DNAH11: variants seen among roughly 807,000 people sequenced by gnomAD.
DNAH11 encodes axonemal beta dynein heavy chain 11.
In DNAH11, 442 loss-of-function variants were observed where a neutral mutation model predicts 526.0. The ratio of observed to expected loss-of-function variants is 0.84; its 90% CI spans 0.78 to 0.91. The LOEUF (loss-of-function observed/expected upper bound fraction) is 0.91, where lower values mean the gene tolerates loss of function less well. Among genes scored for constraint, DNAH11 ranks in the 40% least tolerant of loss-of-function variants. The pLI is 0.00. For synonymous variants in DNAH11, 2,461 were observed against 1,935.9 expected, an observed-to-expected ratio of 1.27 and a Z score of -7.12; for missense variants, 6,989 against 5,448.7, an observed-to-expected ratio of 1.28 and a Z score of -8.90.
At chr7:21,811,297 C>T (rs1444922261) in intron 63 of DNAH11, among the ~76,000 whole-genome samples, 2 of 147,760 alleles carry the variant, frequency 1.4e-5, no homozygotes, top group East Asian at 3.9e-4. Flanking sequence ...ACCCCCCCCC[C>T]TACTAAAAAT....
intron 35 of DNAH11, among the ~76,000 whole-genome samples, chr7:21,695,275 C>T (rs927999872): frequency 1.3e-5 from 2 of 152,082 alleles, no homozygotes; most frequent in African/African-American, 4.8e-5. Context: ...ATAAAGAGCC[C>T]ATATAGCCAA....
chr7:21,831,604 C>G (rs956527274), intron 65 of DNAH11, among the ~76,000 whole-genome samples: 6 of 152,174 alleles, frequency 3.9e-5, no homozygotes, highest in African/African-American at 9.6e-5. Flanking sequence ...TCCTCCCCCC[C>G]TCTATTAACC....
chr7:21,899,765 T>C (rs970302130), intron 80 of DNAH11, among the ~76,000 whole-genome samples: 1 of 152,164 alleles, frequency 6.6e-6, no homozygotes, highest in Admixed American at 6.5e-5. Flanking sequence ...AATCCACAAA[T>C]GGCTGTGACT....
At chr7:21,591,102 C>G (rs1784659628) in intron 13 of DNAH11, 80 bp downstream of exon 13, 2 of 1,426,890 alleles carry the variant, frequency 1.4e-6, no homozygotes, top group Non-Finnish European at 1.8e-6. Flanking sequence ...TTATATAGAT[C>G]TATATGATAT....
intron 23 of DNAH11, 74 bp downstream of exon 23, chr7:21,617,851 G>A: frequency 7.0e-7 from 1 of 1,422,382 alleles, no homozygotes. Context: ...CATCATCTGA[G>A]ATGAAGTGTA....
At chr7:21,700,351 C>T (rs547856371) in intron 36 of DNAH11, among the ~76,000 whole-genome samples, 1 of 152,292 alleles carries the variant, frequency 6.6e-6, no homozygotes, top group South Asian at 2.1e-4. Flanking sequence ...TCCTGTGCTA[C>T]AGAAATGGGT....
In DNAH11 at chr7:21,742,033, C is replaced by T. The variant is rs1785925115; in HGVS notation, c.8021C>T (p.Ser2674Leu). Residue 2674 changes from serine to leucine, a missense_variant, in exon 49 of 82, where the codon TCA becomes TTA. Ser to Leu is a moderately radical substitution (Grantham distance 145). Coordinates refer to ENST00000409508, the MANE Select transcript of DNAH11 (RefSeq NM_001277115.2). ...TTCCAACAGCAAGCATTTGCTCCAT[C>T]AATTCTCAGGAGTGGCCCCACTTTG... ...FHFQQQAFAP[S>L]ILRSGPTLIQ... The T allele has an allele frequency of 3.7e-6, 6 of 1,613,964 alleles. No homozygotes were observed. In the South Asian group the frequency reaches 6.6e-5, roughly 18 times the overall value.
intron 52 of DNAH11, 72 bp downstream of exon 52, chr7:21,748,814 C>G: frequency 6.8e-7 from 1 of 1,469,272 alleles, no homozygotes; most frequent in Non-Finnish European, 9.1e-7. Flanking sequence ...CTAGTGCGCC[C>G]GTGTGGGCTG....
chr7:21,686,143 G>A (rs1334961059), intron 32 of DNAH11, among the ~76,000 whole-genome samples: 2 of 152,216 alleles, frequency 1.3e-5, no homozygotes, highest in African/African-American at 2.4e-5. Flanking sequence ...ATAATTAATC[G>A]CTTCTATTTG....
chr7:21,747,968 G>A (rs139727665), intron 51 of DNAH11, among the ~76,000 whole-genome samples: 2 of 152,182 alleles, frequency 1.3e-5, no homozygotes, highest in African/African-American at 2.4e-5. Context: ...TTAACACAAG[G>A]CCTTTGCATA....
intron 55 of DNAH11, 78 bp from the exon 56 acceptor site, chr7:21,773,688 A>G: frequency 9.7e-7 from 1 of 1,027,806 alleles, no homozygotes; most frequent in Non-Finnish European, 1.3e-6. Flanking sequence ...AAAAAAAATG[A>G]TCATTTACTT....
At position 21,901,474 on chromosome 7, in the gene DNAH11, T is replaced by TAGGAGAATC. The variant is rs1473248022; in HGVS notation, c.*222_*230dup. ...ACTGTAATCCCAGTTACTCAGGAGG[T>TAGGAGAATC]AGGAGAATCACTTGAACCTAGGAGG... On this transcript the variant is annotated 3_prime_UTR_variant, in exon 82 of 82. Transcript: ENST00000409508. 4 of 511,394 alleles carry TAGGAGAATC rather than the reference T, an allele frequency of 7.8e-6. No individual in the cohort carries two copies. The highest frequency in any genetic ancestry group is 8.7e-6 in the Non-Finnish European group (3 of 343,070). The allele number at this position is 511,394 out of a possible 1,614,324, so 31.7% of individuals were successfully genotyped here. A position where few individuals can be genotyped will look rare whatever the true frequency, so the allele number is the denominator to read the frequency against.
chr7:21,593,414 G>T (rs1408639781), intron 14 of DNAH11, among the ~76,000 whole-genome samples: 1 of 152,138 alleles, frequency 6.6e-6, no homozygotes, highest in Non-Finnish European at 1.5e-5. Flanking sequence ...GAGGAGCTCT[G>T]CTGTGTGGCA....
chr7:21,876,705 CAG>C (rs921696179), intron 74 of DNAH11, among the ~76,000 whole-genome samples: 4 of 152,192 alleles, frequency 2.6e-5, no homozygotes, highest in African/African-American at 9.7e-5. Flanking sequence ...GCAGGAGTTG[CAG>C]CCCCCATATC....
intron 75 of DNAH11, among the ~76,000 whole-genome samples, chr7:21,883,680 A>C (rs1351810508): frequency 1.3e-5 from 2 of 152,266 alleles, no homozygotes; most frequent in Non-Finnish European, 2.9e-5. Flanking sequence ...CACAATTTTT[A>C]GATGAGAATT....
Position 21,606,690 on chromosome 7 carries a change from C to T in DNAH11, c.3809C>T (p.Pro1270Leu). ...EFRERFRHYAPLGFNAENPYT... is the reference protein window; with the variant it reads ...EFRERFRHYALLGFNAENPYT... ...AGAGAGAGATTCAGACACTATGCCC[C>T]TCTTGGATTTAATGCAGAAAATCCA... is the stretch of plus-strand genomic sequence containing the variant. Residue 1270 changes from proline to leucine, a missense_variant, in exon 20 of 82, where the codon CCT becomes CTT. Pro to Leu is a moderately conservative substitution (Grantham distance 98, BLOSUM62 -3). Coordinates refer to ENST00000409508, the MANE Select transcript of DNAH11 (RefSeq NM_001277115.2). 1.2e-6 allele frequency: 2 copies of T among 1,611,436 alleles called. No individual in the cohort carries two copies.
At chr7:21,860,020 A>G (rs529390008) in intron 68 of DNAH11, among the ~76,000 whole-genome samples, 3 of 152,254 alleles carry the variant, frequency 2.0e-5, no homozygotes, top group South Asian at 2.1e-4. Flanking sequence ...AAAAAATTCA[A>G]AAATTAGCCA....
chr7:21,592,657 A>C (rs1784731068), intron 14 of DNAH11, among the ~76,000 whole-genome samples: 1 of 152,338 alleles, frequency 6.6e-6, no homozygotes, highest in South Asian at 2.1e-4. Flanking sequence ...AGCCTATGCT[A>C]ATAATCCAGG....
chr7:21,801,092 GTT>G, intron 61 of DNAH11, 43 bp from the exon 62 acceptor site: 1 of 1,562,254 alleles, frequency 6.4e-7, no homozygotes, highest in Non-Finnish European at 8.7e-7. Flanking sequence ...TAATCTCTCT[GTT>G]TTAACTAAAA....
Sources: gnomAD v4.1 joint callset for allele counts (sites outside exome capture counted in the v4.1 genomes callset) on GRCh38, gnomAD v4.1.1 for gene constraint, MANE v1.5 for transcripts, NCBI Gene and HGNC (gene_info 2026-07-23, HGNC 2026-07-21) for gene names.